The following CTNNBL1 variants were observed in gnomAD, a reference collection of about 807,000 sequenced individuals.
CTNNBL1 encodes the protein catenin beta like 1, also known as beta-catenin-like protein 1.
In CTNNBL1, 31 loss-of-function variants were observed where a neutral mutation model predicts 72.7. That is an observed-to-expected ratio of 0.43 (90% CI 0.32 to 0.58). The LOEUF is 0.58. Among genes scored for constraint, CTNNBL1 ranks in the 20% least tolerant of loss-of-function variants. CTNNBL1 has a pLI of 0.08. For missense variants in CTNNBL1, 534 were observed against 725.1 expected (o/e 0.74, Z 3.03); for synonymous variants, 240 against 267.3 (o/e 0.90, Z 1.00).
chr20:37,747,741 A>AT (rs539768532), intron 4 of CTNNBL1, among the ~76,000 whole-genome samples: 15 of 150,096 alleles, frequency 1.0e-4, no homozygotes, highest in East Asian at 3.9e-4. Flanking sequence ...TGCCTAGCTA[A>AT]TTTTTTTTTT....
chr20:37,755,013 G>A (rs1388291709), intron 4 of CTNNBL1, among the ~76,000 whole-genome samples: 1 of 151,882 alleles, frequency 6.6e-6, no homozygotes, highest in African/African-American at 2.4e-5. Context: ...CACCATATTG[G>A]CCAGGCTGGT....
At position 37,810,457 on chromosome 20, in the gene CTNNBL1, T is replaced by A. The variant is rs559514379; in HGVS notation, c.1213+7409T>A. On this transcript the variant is annotated intron_variant, in intron 11 of 15. Coordinates refer to ENST00000361383, the MANE Select transcript of CTNNBL1 (RefSeq NM_030877.5). Reference sequence around the variant, plus strand: ...ATAGCCCAGGTGCCTTGTAAAGGTCTCACCACCTCTCAACACCATAACATT... The same window carrying A: ...ATAGCCCAGGTGCCTTGTAAAGGTCACACCACCTCTCAACACCATAACATT... 2.6e-5 allele frequency among the ~76,000 whole-genome samples: 4 copies of A among 152,318 alleles called. No homozygotes were observed. In the South Asian group the frequency reaches 8.3e-4, roughly 32 times the overall value.
intron 6 of CTNNBL1, among the ~76,000 whole-genome samples, chr20:37,766,263 G>A (rs1230941454): frequency 6.6e-6 from 1 of 152,152 alleles, no homozygotes; most frequent in Non-Finnish European, 1.5e-5. Flanking sequence ...TCAAAAGTCT[G>A]TTAACTGACT....
intron 1 of CTNNBL1, among the ~76,000 whole-genome samples, chr20:37,706,535 C>CAGATCAGACTTCACAG (rs2072886934): frequency 6.6e-6 from 1 of 152,194 alleles, no homozygotes. Context: ...CATGAGATTG[C>CAGATCAGACTTCACAG]AGCAATTCAG....
intron 1 of CTNNBL1, among the ~76,000 whole-genome samples, chr20:37,728,598 T>C (rs965467355): frequency 4.6e-5 from 7 of 152,146 alleles, no homozygotes; most frequent in Non-Finnish European, 4.4e-5. Context: ...CTATTTGCAG[T>C]GTTAGTGTTT....
chr20:37,811,529 G>A (rs546440918), intron 11 of CTNNBL1, among the ~76,000 whole-genome samples: 40 of 152,194 alleles, frequency 2.6e-4, no homozygotes, highest in African/African-American at 8.7e-4. Context: ...TCCTGACCTC[G>A]GATGACAAAA....
intron 1 of CTNNBL1, among the ~76,000 whole-genome samples, chr20:37,708,057 G>A (rs2072904371): frequency 6.6e-6 from 1 of 152,118 alleles, no homozygotes; most frequent in Non-Finnish European, 1.5e-5. Context: ...TAATATTAAA[G>A]ATCACTCATC....
intron 11 of CTNNBL1, among the ~76,000 whole-genome samples, chr20:37,836,883 G>A (rs1176754704): frequency 6.6e-6 from 1 of 152,050 alleles, no homozygotes; most frequent in Non-Finnish European, 1.5e-5. Flanking sequence ...CTTTGGCTCT[G>A]ATTTTTTTTT....
At chr20:37,780,335 A>G (rs1354118285) in intron 10 of CTNNBL1, among the ~76,000 whole-genome samples, 1 of 152,164 alleles carries the variant, frequency 6.6e-6, no homozygotes, top group Non-Finnish European at 1.5e-5. Context: ...AACATTGACA[A>G]GGTACTATGT....
chr20:37,727,957 T>A (rs180725030), intron 1 of CTNNBL1, among the ~76,000 whole-genome samples: 49 of 152,374 alleles, frequency 3.2e-4, no homozygotes, highest in Non-Finnish European at 5.7e-4. Flanking sequence ...AGTTTATTTC[T>A]TGGTCAGGGT....
At chr20:37,792,428 C>T (rs985413053) in intron 10 of CTNNBL1, among the ~76,000 whole-genome samples, 1 of 152,130 alleles carries the variant, frequency 6.6e-6, no homozygotes. Flanking sequence ...CCTGCCTCAG[C>T]CTCCTAAGTA....
chr20:37,843,449 A>C (rs551487564), intron 13 of CTNNBL1, among the ~76,000 whole-genome samples: 18 of 152,354 alleles, frequency 1.2e-4, no homozygotes, highest in African/African-American at 4.1e-4. Context: ...GGCATGCCTC[A>C]GGCCAGAGTG....
chr20:37,812,734 A>T (rs1358208039), intron 11 of CTNNBL1, among the ~76,000 whole-genome samples: 1 of 152,232 alleles, frequency 6.6e-6, no homozygotes. Context: ...AGCCAGGGAG[A>T]CATAGAAACC....
intron 1 of CTNNBL1, among the ~76,000 whole-genome samples, chr20:37,704,687 G>T (rs2072871014): frequency 6.6e-6 from 1 of 151,818 alleles, no homozygotes; most frequent in Non-Finnish European, 1.5e-5. Flanking sequence ...CTCCAGCCTG[G>T]ATGACAGAGC....
intron 1 of CTNNBL1, among the ~76,000 whole-genome samples, chr20:37,714,376 T>C (rs868808505): frequency 6.6e-6 from 1 of 152,230 alleles, no homozygotes; most frequent in Non-Finnish European, 1.5e-5. Flanking sequence ...TCTTTTTATA[T>C]TGAGGCTTAG....
In CTNNBL1 at chr20:37,733,041, A is replaced by C. The variant is rs143170003; in HGVS notation, c.193A>C (p.Arg65=). 1 of 1,613,564 alleles carries C rather than the reference A, an allele frequency of 6.2e-7. No individual in the cohort carries two copies. The highest frequency in any genetic ancestry group is 2.2e-5 in the East Asian group (1 of 44,876). ...DKKRLLQIID[R]DGEEEEEEEE... is the part of the protein sequence containing the mutation. Reference sequence around the variant, plus strand: ...AAAAAGGCTGCTGCAGATTATTGACAGAGATGGGGAAGAGGAAGAGGAAGA... The same window carrying C: ...AAAAAGGCTGCTGCAGATTATTGACCGAGATGGGGAAGAGGAAGAGGAAGA... The change falls in exon 2 of 16, where the codon AGA becomes CGA. Residue 65 remains arginine, a synonymous_variant. Transcript: ENST00000361383.
chr20:37,866,675 T>C (rs1228771725), intron 15 of CTNNBL1, among the ~76,000 whole-genome samples: 1 of 152,198 alleles, frequency 6.6e-6, no homozygotes, highest in Non-Finnish European at 1.5e-5. Context: ...CTGGGCAAGT[T>C]AGTAGGTAAC....
In CTNNBL1 at chr20:37,832,797, T is replaced by A. The variant is rs2072221723; in HGVS notation, c.1214-7305T>A. ...GCTGGAATGTGGACCATACTTTTTT[T>A]TTTTTTTTGAGAGTAGGGATGAGAA... On this transcript the variant is annotated intron_variant, in intron 11 of 15. Coordinates refer to ENST00000361383, the MANE Select transcript of CTNNBL1 (RefSeq NM_030877.5). 2.0e-5 allele frequency among the ~76,000 whole-genome samples: 3 copies of A among 152,208 alleles called. No homozygotes were observed. The South Asian group carries it at 6.2e-4, about 32-fold the overall frequency.
chr20:37,842,282 T>G, intron 12 of CTNNBL1, 57 bp from the exon 13 acceptor site: 1 of 1,222,050 alleles, frequency 8.2e-7, no homozygotes, highest in Admixed American at 1.7e-5. Context: ...GTGCCACTGT[T>G]CTCTTGCTGT....
Sources: allele counts gnomAD v4.1 joint callset (sites outside exome capture counted in the v4.1 genomes callset), GRCh38; gene constraint gnomAD v4.1.1; transcripts MANE v1.5; gene names NCBI Gene and HGNC (gene_info 2026-07-23, HGNC 2026-07-21).